ARHGEF11: variants seen among roughly 807,000 people sequenced by gnomAD.
ARHGEF11 encodes Rho guanine exchange factor (GEF) 11.
Under a neutral mutation model 193.7 loss-of-function variants are expected in ARHGEF11, and 55 were observed. The observed-to-expected ratio is 0.28, with a 90% CI of 0.23 to 0.36. The LOEUF (loss-of-function observed/expected upper bound fraction) is 0.36. Ranked by LOEUF, ARHGEF11 falls within the 10% of genes least tolerant of loss-of-function variation. ARHGEF11 has a pLI of 1.00. For missense variants in ARHGEF11, 1,723 were observed against 2,005.6 expected, an observed-to-expected ratio of 0.86 and a Z score of 2.69; for synonymous variants, 693 against 768.0, an observed-to-expected ratio of 0.90 and a Z score of 1.62.
rs540590862 is a variant in ARHGEF11, at chr1:156,938,702, C to T, written c.4097-189G>A. ...TGCAGAGAACTTTCCACCAATTCAC[C>T]GAGAGACAGAGAAGGAAGGTCAGTT... On this transcript the variant is annotated intron_variant, in intron 37 of 40. Coordinates refer to ENST00000368194, the MANE Select transcript of ARHGEF11 (RefSeq NM_198236.3). 341 of 516,994 alleles carry T rather than the reference C, an allele frequency of 6.6e-4. 3 individuals are homozygous for T. In the South Asian group the frequency reaches 9.3e-3, roughly 14 times the overall value. 32.0% of individuals were successfully genotyped at this position (516,994 alleles called of 1,614,324 possible). A position where few individuals can be genotyped will look rare whatever the true frequency, so the allele number is the denominator to read the frequency against.
chr1:156,973,427 C>A (rs1662801614), intron 7 of ARHGEF11, among the ~76,000 whole-genome samples: 1 of 152,200 alleles, frequency 6.6e-6, no homozygotes, highest in South Asian at 2.1e-4. Context: ...CCCAAAATTC[C>A]ATCCTCAGCT....
rs965237951 is a variant in ARHGEF11 at position 156,941,842 on chromosome 1, T to G, written c.3452+22A>C. 5.7e-6 allele frequency: 9 copies of G among 1,592,394 alleles called. No homozygotes were observed. In the African/African-American group the frequency reaches 8.1e-5, roughly 14 times the overall value. On this transcript the variant is annotated intron_variant, in intron 34 of 40. Coordinates refer to ENST00000368194, the MANE Select transcript of ARHGEF11 (RefSeq NM_198236.3). ...GGTTTGGAGTGGAGAGAGTGCAGGG[T>G]CTGGAGGGCTAAGCACTGCACCTGC...
intron 1 of ARHGEF11, among the ~76,000 whole-genome samples, chr1:157,019,276 A>G (rs1669670865): frequency 6.6e-6 from 1 of 152,218 alleles, no homozygotes; most frequent in Non-Finnish European, 1.5e-5. Context: ...TATACATGAC[A>G]AAATGACACA....
At chr1:157,006,068 C>G (rs1667784807) in intron 1 of ARHGEF11, among the ~76,000 whole-genome samples, 1 of 152,234 alleles carries the variant, frequency 6.6e-6, no homozygotes, top group Non-Finnish European at 1.5e-5. Context: ...TTTCTACACA[C>G]AGCATTCTTC....
chr1:156,937,721 G>T (rs972287614), intron 38 of ARHGEF11, among the ~76,000 whole-genome samples: 1 of 152,230 alleles, frequency 6.6e-6, no homozygotes, highest in East Asian at 1.9e-4. Context: ...AGCTGGGGGA[G>T]ATGCTGAGCG....
chr1:157,019,107 A>C (rs1260608597), intron 1 of ARHGEF11, among the ~76,000 whole-genome samples: 1 of 152,248 alleles, frequency 6.6e-6, no homozygotes, highest in Non-Finnish European at 1.5e-5. Context: ...AAAGAGTACA[A>C]ACTATAAAAG....
At chr1:156,995,310 G>T (rs7522376) in intron 1 of ARHGEF11, among the ~76,000 whole-genome samples, 152,154 of 152,300 alleles carry the variant, frequency 1, 76,006 homozygotes, top group Middle Eastern at 1. Flanking sequence ...TTGGGTGAGG[G>T]CTCATGCCTA....
chr1:156,940,184 C>G, intron 36 of ARHGEF11, 23 bp downstream of exon 36: 5 of 1,547,510 alleles, frequency 3.2e-6, no homozygotes, highest in African/African-American at 2.7e-5. Context: ...CAGGGGCTGA[C>G]GGCAGGGCCT....
chr1:156,948,211 G>A lies in ARHGEF11; in HGVS notation c.2123C>T (p.Thr708Ile). Residue 708 changes from threonine to isoleucine, a missense_variant, in exon 24 of 41, where the codon ACC becomes ATC. By Grantham distance (89) the Thr-to-Ile change is moderately conservative (BLOSUM62 -1). This residue lies in a region of ARHGEF11 where 491 missense variants were observed against 654.5 expected (regional missense o/e 0.75). Transcript: ENST00000368194. This position sits in a 1 kb window ranked among gnomAD's most constrained non-coding sequence, Gnocchi z 4.2. ...SLSTRSLENP[T>I]PPFTPKMGRR... ...GCCCATTTTGGGAGTGAATGGAGGGGTTGGGTTCTCAAGAGACCTGTGGAG... is the reference window on the plus strand; with the variant it reads ...GCCCATTTTGGGAGTGAATGGAGGGATTGGGTTCTCAAGAGACCTGTGGAG... 2 of 1,583,112 alleles carry A rather than the reference G, an allele frequency of 1.3e-6. No individual in the cohort carries two copies. The highest frequency in any genetic ancestry group is 1.7e-6 in the Non-Finnish European group (2 of 1,162,542).
intron 33 of ARHGEF11, among the ~76,000 whole-genome samples, chr1:156,942,344 C>G (rs189893444): frequency 1.3e-5 from 2 of 152,348 alleles, no homozygotes; most frequent in East Asian, 3.9e-4. Context: ...CCTCTGGCAG[C>G]TGCTGTCAAA....
chr1:157,021,917 C>T (rs1030930316), intron 1 of ARHGEF11, among the ~76,000 whole-genome samples: 4 of 152,176 alleles, frequency 2.6e-5, no homozygotes, highest in African/African-American at 4.8e-5. Flanking sequence ...ATTTGTGTAA[C>T]ATACTATATT....
Position 156,959,131 on chromosome 1 carries a change from G to A in ARHGEF11, c.1294C>T (p.Arg432Trp), listed in dbSNP as rs747105074. ...MLQAEIDSRLRNSEDARGVLC... is the reference protein window; with the variant it reads ...MLQAEIDSRLWNSEDARGVLC... ...ACACCACGGGCATCTTCGCTGTTCC[G>A]CAGGCGCGAGTCTGTAGTGGGAGAT... The change falls in exon 16 of 41, where the codon CGG becomes TGG. Residue 432 changes from arginine (R) to tryptophan (W), a missense_variant. By Grantham distance (101) the Arg-to-Trp change is moderately radical (BLOSUM62 -3). Coordinates refer to ENST00000368194, the MANE Select transcript of ARHGEF11 (RefSeq NM_198236.3). The A allele has an allele frequency of 1.4e-5, 23 of 1,614,128 alleles. No individual in the cohort carries two copies. The highest frequency in any genetic ancestry group is 1.2e-4 in the African/African-American group (9 of 75,052).
chr1:156,936,525 T>TATATATATATATAA (rs1281791788), intron 40 of ARHGEF11, among the ~76,000 whole-genome samples: 1 of 110,510 alleles, frequency 9.0e-6, no homozygotes, highest in South Asian at 2.9e-4. Flanking sequence ...TATATATATA[T>TATATATATATATAA]AAAATTAAAA....
chr1:157,035,950 AAT>A (rs777023051), intron 1 of ARHGEF11, among the ~76,000 whole-genome samples: 3 of 62,074 alleles, frequency 4.8e-5, no homozygotes, highest in East Asian at 2.9e-4. Flanking sequence ...TATATATAGG[AAT>A]ATATATATAT....
In ARHGEF11 at chr1:156,963,603, G is replaced by A. The variant is rs941469957; in HGVS notation, c.964-9C>T. 9 of 1,612,996 alleles carry A rather than the reference G, an allele frequency of 5.6e-6. No homozygotes were observed. The highest frequency in any genetic ancestry group is 5.3e-5 in the African/African-American group (4 of 74,798). Reference sequence around the variant, plus strand: ...GGGCTTTGATCTACACCCTGGGGGAGAGAGTCAAATTGCAGAGATGAGAGG... The same window carrying A: ...GGGCTTTGATCTACACCCTGGGGGAAAGAGTCAAATTGCAGAGATGAGAGG... On this transcript the variant is annotated splice_polypyrimidine_tract_variant and intron_variant, in intron 11 of 40. Coordinates refer to ENST00000368194, the MANE Select transcript of ARHGEF11 (RefSeq NM_198236.3).
At chr1:156,956,673 G>T in intron 18 of ARHGEF11, 109 bp from the exon 19 acceptor site, 1 of 1,484,216 alleles carries the variant, frequency 6.7e-7, no homozygotes, top group Non-Finnish European at 9.1e-7. Context: ...AGTTACAGGT[G>T]AAAGTATTCA....
chr1:156,961,315 C>T (rs1000010402), intron 14 of ARHGEF11, among the ~76,000 whole-genome samples: 5 of 152,210 alleles, frequency 3.3e-5, no homozygotes, highest in African/African-American at 4.8e-5. Flanking sequence ...TCTTGCCTCA[C>T]GGATCTAGGT....
chr1:156,988,672 T>C (rs1053211643), intron 1 of ARHGEF11, among the ~76,000 whole-genome samples: 13 of 152,170 alleles, frequency 8.5e-5, no homozygotes, highest in African/African-American at 3.1e-4. Flanking sequence ...CTGTCAACAA[T>C]TGTTAGGGGC....
intron 1 of ARHGEF11, among the ~76,000 whole-genome samples, chr1:157,006,278 T>G (rs1442321397): frequency 6.6e-6 from 1 of 152,002 alleles, no homozygotes; most frequent in Non-Finnish European, 1.5e-5. Flanking sequence ...GGCCCACACA[T>G]CACAAATTTA....
Sources: gnomAD v4.1 joint callset for allele counts (sites outside exome capture counted in the v4.1 genomes callset) on GRCh38, gnomAD v4.1.1 for gene constraint, gnomAD v4.1.1 regional missense constraint, Gnocchi (gnomAD v3.1) non-coding constraint, MANE v1.5 for transcripts, NCBI Gene and HGNC (gene_info 2026-07-23, HGNC 2026-07-21) for gene names.